Variants in ALS2 observed in about 807,000 individuals in gnomAD.
ALS2 encodes the protein alsin.
ALS2 carries 117 observed loss-of-function variants against 203.4 expected under a neutral mutation model. The observed-to-expected ratio is 0.58, with a 90% CI of 0.50 to 0.67. The LOEUF (loss-of-function observed/expected upper bound fraction) is 0.67. Ranked by LOEUF, ALS2 falls within the 30% of genes least tolerant of loss-of-function variation. The pLI is 0.00. For synonymous variants in ALS2, 718 were observed against 725.9 expected, an observed-to-expected ratio of 0.99 and a Z score of 0.17; for missense variants, 1,715 against 1,989.4, an observed-to-expected ratio of 0.86 and a Z score of 2.62.
At chr2:201,744,867 G>A (rs1015664252) in intron 9 of ALS2, among the ~76,000 whole-genome samples, 3 of 152,160 alleles carry the variant, frequency 2.0e-5, no homozygotes, top group Admixed American at 1.3e-4. Flanking sequence ...TGAGACCAGG[G>A]AGGATCTCTA....
In ALS2 at chr2:201,718,172, A is replaced by C. The variant is rs3219166; in HGVS notation, c.3741T>G (p.Gly1247=). The part of the protein sequence containing the change: ...LTMPNGDYIE[G]YFSGEWGSGI... ...CAGATCCCCATTCTCCACTAAAATAACCTTCAATGTAGTCTCCATTTGGCA... is the reference window on the plus strand; with the variant it reads ...CAGATCCCCATTCTCCACTAAAATACCCTTCAATGTAGTCTCCATTTGGCA... The change falls in exon 24 of 34, where the codon GGT becomes GGG. Residue 1247 remains glycine (G), a synonymous_variant. Coordinates refer to ENST00000264276, the MANE Select transcript of ALS2 (RefSeq NM_020919.4). 1.3e-3 allele frequency: 2,093 copies of C among 1,613,580 alleles called. 4 individuals carry two copies. The highest frequency in any genetic ancestry group is 1.7e-3 in the Non-Finnish European group (1,975 of 1,179,554).
At chr2:201,757,818 T>C in intron 4 of ALS2, 59 bp from the exon 5 acceptor site, 1 of 1,344,664 alleles carries the variant, frequency 7.4e-7, no homozygotes, top group Non-Finnish European at 1.0e-6. Flanking sequence ...CAACAAGCAA[T>C]CAATAAAAAG....
intron 33 of ALS2, among the ~76,000 whole-genome samples, chr2:201,702,553 G>A (rs1034621172): frequency 6.6e-6 from 1 of 152,004 alleles, no homozygotes; most frequent in Admixed American, 6.6e-5. Flanking sequence ...CAGCAATGTG[G>A]GAATAATAAT....
chr2:201,760,129 C>G, intron 4 of ALS2: 1 of 646,224 alleles, frequency 1.5e-6, no homozygotes, highest in Non-Finnish European at 1.9e-6. Flanking sequence ...TTGAGATGAG[C>G]CTGGGCAACA....
chr2:201,718,315 A>C, intron 23 of ALS2, 105 bp from the exon 24 acceptor site: 1 of 1,289,278 alleles, frequency 7.8e-7, no homozygotes, highest in Non-Finnish European at 1.1e-6. Flanking sequence ...GCTGGAGTGC[A>C]GTGATGCGAT....
intron 13 of ALS2, among the ~76,000 whole-genome samples, chr2:201,732,207 G>T (rs1375448405): frequency 3.9e-5 from 6 of 152,056 alleles, no homozygotes; most frequent in Non-Finnish European, 7.4e-5. Context: ...GGGTCACTCT[G>T]AGGGGTGAAA....
chr2:201,764,764 T>C (rs2106096668), intron 3 of ALS2, among the ~76,000 whole-genome samples: 1 of 152,306 alleles, frequency 6.6e-6, no homozygotes, highest in East Asian at 1.9e-4. Flanking sequence ...TGAAAATTTC[T>C]AGCACTCAAC....
At chr2:201,735,021 A>T (rs1691792359) in intron 12 of ALS2, among the ~76,000 whole-genome samples, 1 of 152,264 alleles carries the variant, frequency 6.6e-6, no homozygotes, top group Non-Finnish European at 1.5e-5. Context: ...AATATTATTC[A>T]GCCATAAAAT....
At chr2:201,766,314 G>A (rs1415438947) in intron 3 of ALS2, among the ~76,000 whole-genome samples, 1 of 152,056 alleles carries the variant, frequency 6.6e-6, no homozygotes, top group Non-Finnish European at 1.5e-5. Flanking sequence ...TTCCTGATAA[G>A]GGAGTAAGAA....
chr2:201,728,390 G>C, intron 15 of ALS2, 122 bp downstream of exon 15: 1 of 1,377,862 alleles, frequency 7.3e-7, no homozygotes, highest in African/African-American at 1.4e-5. Flanking sequence ...ATGATGGCTA[G>C]CCTCTTTTAG....
rs527236635 is a variant in ALS2, at chr2:201,707,747, A to G, written c.4403+122T>C. 7.0e-5 allele frequency: 95 copies of G among 1,363,324 alleles called. No individual in the cohort carries two copies. The Admixed American group carries it at 1.6e-3, about 24-fold the overall frequency. The allele number at this position is 1,363,324 out of a possible 1,614,324, so 84.5% of individuals were successfully genotyped here. A position where few individuals can be genotyped will look rare whatever the true frequency, so the allele number is the denominator to read the frequency against. ...GCTGGCCCCAACCCTCCTGGCCCCA[A>G]CCATATCATTTTAGAAATGAGGAAA... is the stretch of plus-strand genomic sequence containing the variant. On this transcript the variant is annotated intron_variant, in intron 28 of 33. Coordinates refer to ENST00000264276, the MANE Select transcript of ALS2 (RefSeq NM_020919.4).
At chr2:201,713,133 C>CTT (rs35807671) in intron 25 of ALS2, among the ~76,000 whole-genome samples, 1,793 of 96,182 alleles carry the variant, frequency 0.019, 37 homozygotes, top group Middle Eastern at 0.025. Context: ...CTTTTCTTTT[C>CTT]TTTTTTTTTT....
In ALS2 at chr2:201,754,817, G is replaced by T. The variant is rs76381444; in HGVS notation, c.1472-146C>A. On this transcript the variant is annotated intron_variant, in intron 5 of 33. Transcript: ENST00000264276. ...TCTAGAGGCTCTCTGTAGAAAAGGG[G>T]ACCTGTTAGTCAAATGAAATTGGTA... 1.9e-3 allele frequency: 1,560 copies of T among 832,676 alleles called. 31 individuals carry two copies. In the East Asian group the frequency reaches 0.031, roughly 16 times the overall value. 51.6% of individuals were successfully genotyped at this position (832,676 alleles called of 1,614,324 possible).
intron 21 of ALS2, among the ~76,000 whole-genome samples, 178 bp from the exon 22 acceptor site, chr2:201,723,619 T>G (rs1431074159): frequency 6.6e-6 from 1 of 152,174 alleles, no homozygotes; most frequent in East Asian, 1.9e-4. Context: ...GCAAAAGACA[T>G]CTCACTCAGT....
Position 201,704,184 on chromosome 2 carries a change from C to CA in ALS2, c.4872dup (p.Glu1625Ter). The CA allele has an allele frequency of 6.2e-7, 1 of 1,614,108 alleles. No homozygotes were observed. Among genetic ancestry groups the CA allele is most frequent in the Non-Finnish European group, 8.5e-7 (1 of 1,180,000 alleles). ...TGAAGATAGGGGTCCATTAGATCCT[C>CA]AATGAGGTGTACCTCAGAGCCTAAA... On this transcript the variant is annotated frameshift_variant, in exon 33 of 34. Coordinates refer to ENST00000264276, the MANE Select transcript of ALS2 (RefSeq NM_020919.4). LOFTEE classifies it high-confidence loss of function.
At chr2:201,720,732 C>G (rs76234772) in intron 23 of ALS2, among the ~76,000 whole-genome samples, 3 of 134,294 alleles carry the variant, frequency 2.2e-5, no homozygotes, top group African/African-American at 8.7e-5. Flanking sequence ...CACACACACA[C>G]ACACAAACAC....
intron 29 of ALS2, among the ~76,000 whole-genome samples, chr2:201,705,902 T>C (rs897954926): frequency 4.0e-5 from 6 of 151,380 alleles, no homozygotes; most frequent in African/African-American, 1.2e-4. Flanking sequence ...CTAGCCAAGA[T>C]GGTGCCACTG....
At chr2:201,718,298 T>C (rs1690538160) in intron 23 of ALS2, 88 bp from the exon 24 acceptor site, 7 of 1,419,642 alleles carry the variant, frequency 4.9e-6, no homozygotes, top group East Asian at 2.4e-5. Context: ...CTCACTCTGT[T>C]GCCCAGGCTG....
intron 8 of ALS2, among the ~76,000 whole-genome samples, chr2:201,748,481 G>A (rs980930082): frequency 6.6e-6 from 1 of 152,042 alleles, no homozygotes; most frequent in Non-Finnish European, 1.5e-5. Flanking sequence ...CAATGATGTC[G>A]GAGAGTTATG....
Sources: allele counts gnomAD v4.1 joint callset (sites outside exome capture counted in the v4.1 genomes callset), GRCh38; gene constraint gnomAD v4.1.1; transcripts MANE v1.5; gene names NCBI Gene and HGNC (gene_info 2026-07-23, HGNC 2026-07-21).